Variants in CACNA1E observed in about 807,000 individuals in gnomAD.
The protein encoded by CACNA1E is voltage-dependent R-type calcium channel subunit alpha-1E.
CACNA1E carries 40 observed loss-of-function variants against 259.2 expected under a neutral mutation model. The ratio of observed to expected loss-of-function variants is 0.15; its 90% CI spans 0.12 to 0.20. The LOEUF (loss-of-function observed/expected upper bound fraction) is 0.20, where lower values mean the gene tolerates loss of function less well. Among genes scored for constraint, CACNA1E ranks in the 10% least tolerant of loss-of-function variants. CACNA1E has a pLI of 1.00. For missense variants in CACNA1E, 1,874 were observed against 3,040.1 expected, an observed-to-expected ratio of 0.62 and a Z score of 9.02; for synonymous variants, 1,104 against 1,138.5, an observed-to-expected ratio of 0.97 and a Z score of 0.61.
intron 7 of CACNA1E, among the ~76,000 whole-genome samples, chr1:181,699,789 T>A (rs1652053043): frequency 6.6e-6 from 1 of 152,076 alleles, no homozygotes. Context: ...TGGATTGGGC[T>A]GAGGTTGGGA....
At chr1:181,759,253 CTCTT>C (rs1218103911) in intron 32 of CACNA1E, among the ~76,000 whole-genome samples, 6 of 152,218 alleles carry the variant, frequency 3.9e-5, no homozygotes, top group African/African-American at 1.4e-4. Flanking sequence ...ATAACTATCT[CTCTT>C]AGCCTCAAAC....
At chr1:181,322,049 G>A (rs1650392844) in intron 1 of CACNA1E, among the ~76,000 whole-genome samples, 4 of 152,240 alleles carry the variant, frequency 2.6e-5, no homozygotes, top group Admixed American at 2.0e-4. Context: ...TTAGATGGAG[G>A]GCCATGGAAG....
At chr1:181,362,023 T>C (rs1213668947) in intron 1 of CACNA1E, among the ~76,000 whole-genome samples, 3 of 152,246 alleles carry the variant, frequency 2.0e-5, no homozygotes, top group Non-Finnish European at 2.9e-5. Context: ...ATTTGCCTTC[T>C]CCGAGCTTGT....
intron 7 of CACNA1E, among the ~76,000 whole-genome samples, chr1:181,702,072 T>A (rs1204675032): frequency 6.6e-6 from 1 of 152,162 alleles, no homozygotes; most frequent in Non-Finnish European, 1.5e-5. Flanking sequence ...TTTGGTGCTA[T>A]TGAGCTTAAT....
Position 181,392,306 on chromosome 1 carries a change from A to G in CACNA1E, c.-14-20827A>G, listed in dbSNP as rs532026840. On this transcript the variant is annotated intron_variant, in intron 1 of 11. Coordinates refer to the CACNA1E transcript ENST00000524607. ...TTGCATGTAAGATTCCTTTCATTCA[A>G]TTCCTATCATTCTTCAAGAATGGTT... Among the ~76,000 whole-genome samples, 6 of 152,230 alleles carry G rather than the reference A, an allele frequency of 3.9e-5. No homozygotes were observed. The South Asian group carries it at 1.2e-3, about 32-fold the overall frequency.
Position 181,755,239 on chromosome 1 carries a change from C to T in CACNA1E, c.3831C>T (p.Ala1277=), listed in dbSNP as rs151199991. The T allele has an allele frequency of 6.7e-5, 108 of 1,613,224 alleles. No individual in the cohort carries two copies. The highest frequency in any genetic ancestry group is 2.8e-4 in the African/African-American group (21 of 75,038). The change falls in exon 28 of 48, where the codon GCC becomes GCT. Residue 1277 remains alanine (A), a splice_region_variant and synonymous_variant. Transcript: ENST00000367573. ...AGGGCTGTTTGCTCTGTCCACAGGC[C>T]GTCTTCGACTGCGTAGTGACCTCCT... is the stretch of plus-strand genomic sequence containing the variant. ...KTIKRLPKLK[A]VFDCVVTSLK... is the part of the protein sequence containing the mutation.
chr1:181,331,816 A>G (rs554575281), intron 1 of CACNA1E, among the ~76,000 whole-genome samples: 44 of 152,324 alleles, frequency 2.9e-4, no homozygotes, highest in African/African-American at 1.0e-3. Context: ...CAGTTCTCCT[A>G]GCACTATTTA....
chr1:181,393,280 G>T (rs1038083453), intron 1 of CACNA1E, among the ~76,000 whole-genome samples: 4 of 152,052 alleles, frequency 2.6e-5, no homozygotes, highest in Non-Finnish European at 5.9e-5. Context: ...TGTAAGATGG[G>T]GTTAATAATA....
chr1:181,478,450 C>A (rs917136143), intron 2 of CACNA1E, among the ~76,000 whole-genome samples: 2 of 152,236 alleles, frequency 1.3e-5, no homozygotes, highest in Non-Finnish European at 2.9e-5. Context: ...CTCCTCTGCT[C>A]CACTATGCAT....
At chr1:181,631,120 AG>A (rs1235533393) in intron 6 of CACNA1E, among the ~76,000 whole-genome samples, 2 of 152,194 alleles carry the variant, frequency 1.3e-5, no homozygotes. Flanking sequence ...GCTGCAGAAT[AG>A]GGGAGCTTTC....
intron 7 of CACNA1E, among the ~76,000 whole-genome samples, chr1:181,676,873 A>G (rs1398830725): frequency 2.6e-5 from 4 of 152,196 alleles, no homozygotes; most frequent in Non-Finnish European, 4.4e-5. Flanking sequence ...TAGAACCATT[A>G]GTCAGTGAGG....
At position 181,382,538 on chromosome 1, in the gene CACNA1E, A is replaced by G. The variant is rs1655526822; in HGVS notation, c.-14-30595A>G. ...TTTAAGGTAGGAAGAGCAGGATTTG[A>G]TAAAACCCAGTGTGTCTAGGAATCT... On this transcript the variant is annotated intron_variant, in intron 1 of 11. Transcript: ENST00000524607. Among the ~76,000 whole-genome samples the G allele has an allele frequency of 1.3e-5, 2 of 152,136 alleles. 1 individual carries two copies. Among genetic ancestry groups the G allele is most frequent in the Admixed American group, 1.3e-4 (2 of 15,274 alleles).
intron 2 of CACNA1E, among the ~76,000 whole-genome samples, chr1:181,459,342 T>C (rs1289416153): frequency 6.6e-6 from 1 of 152,250 alleles, no homozygotes; most frequent in Non-Finnish European, 1.5e-5. Flanking sequence ...GGCAGCAGGC[T>C]CTGAGGGAAC....
chr1:181,364,249 T>G (rs950434578), intron 1 of CACNA1E, among the ~76,000 whole-genome samples: 3 of 152,232 alleles, frequency 2.0e-5, no homozygotes, highest in African/African-American at 7.2e-5. Context: ...TTATTCACCA[T>G]CCTAAGCGCC....
At chr1:181,628,595 C>T (rs1355418817) in intron 6 of CACNA1E, among the ~76,000 whole-genome samples, 1 of 152,130 alleles carries the variant, frequency 6.6e-6, no homozygotes, top group Non-Finnish European at 1.5e-5. Flanking sequence ...CATTCCAAAA[C>T]TCATTAGGAG....
In CACNA1E at chr1:181,796,656, C is replaced by A; in HGVS notation, c.6209-12C>A. On this transcript the variant is annotated splice_polypyrimidine_tract_variant and intron_variant, in intron 46 of 47. Transcript: ENST00000367573. ...CAGAGTTATAACCAAGTGCTTTTGT[C>A]ACCTCTCACAGGCCACAAGTCTGAC... is the stretch of plus-strand genomic sequence containing the variant. The A allele has an allele frequency of 6.4e-7, 1 of 1,558,636 alleles. No individual in the cohort carries two copies. The highest frequency in any genetic ancestry group is 1.2e-5 in the South Asian group (1 of 84,042).
chr1:181,746,121 T>C (rs994177085), intron 25 of CACNA1E, among the ~76,000 whole-genome samples: 1 of 152,212 alleles, frequency 6.6e-6, no homozygotes, highest in Admixed American at 6.5e-5. Flanking sequence ...CAAGAAATGC[T>C]GAGGCATGGA....
intron 2 of CACNA1E, among the ~76,000 whole-genome samples, chr1:181,462,174 A>C (rs995823612): frequency 6.6e-6 from 1 of 152,246 alleles, no homozygotes; most frequent in Non-Finnish European, 1.5e-5. Context: ...CAATACAAAA[A>C]GATTGTAGTT....
chr1:181,644,948 A>G lies in CACNA1E; in HGVS notation c.952-6390A>G, dbSNP rs148180707. On this transcript the variant is annotated intron_variant, in intron 6 of 47. Coordinates refer to ENST00000367573, the MANE Select transcript of CACNA1E (RefSeq NM_001205293.3). ...GAAGCTGGTCTGTCAGGCAAGGGCA[A>G]GCATCTGAAAAGCGTACAGGAGCAA... 2.5e-3 allele frequency among the ~76,000 whole-genome samples: 382 copies of G among 152,334 alleles called. 1 individual carries two copies. The highest frequency in any genetic ancestry group is 4.1e-3 in the Non-Finnish European group (277 of 68,030).
Sources: gnomAD v4.1 joint callset for allele counts (sites outside exome capture counted in the v4.1 genomes callset) on GRCh38, gnomAD v4.1.1 for gene constraint, MANE v1.5 for transcripts, NCBI Gene and HGNC (gene_info 2026-07-23, HGNC 2026-07-21) for gene names.